Variants in PKHD1 observed in about 807,000 individuals in gnomAD.
PKHD1 encodes the protein fibrocystin.
Under a neutral mutation model 412.0 loss-of-function variants are expected in PKHD1, and 291 were observed. That is an observed-to-expected ratio of 0.71 (90% CI 0.64 to 0.78). The LOEUF is 0.78. Among genes scored for constraint, PKHD1 ranks in the 30% least tolerant of loss-of-function variants. The pLI is 0.00. For missense variants in PKHD1, 4,825 were observed against 4,950.7 expected (o/e 0.97, Z 0.76); for synonymous variants, 1,777 against 1,821.5 (o/e 0.98, Z 0.62).
chr6:51,824,258 C>CAGTT (rs1766952002), intron 52 of PKHD1, among the ~76,000 whole-genome samples: 1 of 152,004 alleles, frequency 6.6e-6, no homozygotes, highest in African/African-American at 2.4e-5. Flanking sequence ...ACTAGGTAAT[C>CAGTT]AGTTCATCAA....
intron 66 of PKHD1, chr6:51,621,760 A>G (rs1166860941): frequency 2.0e-5 from 3 of 152,214 alleles, no homozygotes; most frequent in African/African-American, 7.2e-5. Flanking sequence ...GAACTAAGTC[A>G]GCACACATTA....
intron 60 of PKHD1, chr6:51,740,134 G>A: frequency 2.2e-6 from 1 of 446,344 alleles, no homozygotes; most frequent in South Asian, 1.6e-5. Flanking sequence ...GAGCTGTCTT[G>A]CTCTCTACTG....
At chr6:52,044,904 A>T in intron 25 of PKHD1, 62 bp downstream of exon 25, 1 of 1,586,174 alleles carries the variant, frequency 6.3e-7, no homozygotes, top group South Asian at 1.1e-5. Flanking sequence ...GTTACAAATC[A>T]GTGAGGAGTG....
intron 57 of PKHD1, among the ~76,000 whole-genome samples, chr6:51,751,028 C>T (rs896416138): frequency 3.3e-5 from 5 of 152,172 alleles, no homozygotes; most frequent in Admixed American, 6.5e-5. Context: ...CTGCCCACTT[C>T]AGCCTCCCAA....
chr6:51,762,018 T>C (rs1369211924), intron 55 of PKHD1, among the ~76,000 whole-genome samples: 1 of 152,018 alleles, frequency 6.6e-6, no homozygotes, highest in Non-Finnish European at 1.5e-5. Flanking sequence ...GTCACTTCTG[T>C]CTTCAACATA....
Position 51,659,355 on chromosome 6 carries a change from C to G in PKHD1, c.10771G>C (p.Gly3591Arg). 1 of 1,613,790 alleles carries G rather than the reference C, an allele frequency of 6.2e-7. No homozygotes were observed. The highest frequency in any genetic ancestry group is 8.5e-7 in the Non-Finnish European group (1 of 1,179,870). Residue 3591 changes from glycine (G) to arginine (R), a missense_variant, in exon 61 of 67, where the codon GGC becomes CGC. Coordinates refer to ENST00000371117, the MANE Select transcript of PKHD1 (RefSeq NM_138694.4). Reference protein sequence around the residue: ...LERLTNFLQIGQNQIRFIHEM... With the variant: ...LERLTNFLQIRQNQIRFIHEM... ...TGAATAAACCTGATTTGGTTTTGGCCAATCTGTAAGAAGTTAGTTAGTCTT... is the reference window on the plus strand; with the variant it reads ...TGAATAAACCTGATTTGGTTTTGGCGAATCTGTAAGAAGTTAGTTAGTCTT...
chr6:51,960,877 G>A (rs1164496690), intron 35 of PKHD1, among the ~76,000 whole-genome samples: 1 of 152,114 alleles, frequency 6.6e-6, no homozygotes, highest in Non-Finnish European at 1.5e-5. Context: ...TTTTAAAACA[G>A]GGACATAAAA....
intron 37 of PKHD1, among the ~76,000 whole-genome samples, chr6:51,930,269 C>T (rs1481834583): frequency 6.6e-6 from 1 of 152,106 alleles, no homozygotes; most frequent in Admixed American, 6.6e-5. Context: ...CATATTAACG[C>T]ATCAAAGTGA....
At chr6:51,664,044 A>T (rs1321660698) in intron 60 of PKHD1, among the ~76,000 whole-genome samples, 1 of 152,182 alleles carries the variant, frequency 6.6e-6, no homozygotes, top group Non-Finnish European at 1.5e-5. Context: ...CCAAGGCCAA[A>T]ATAATAAAAA....
At chr6:51,671,471 A>C (rs1442763232) in intron 60 of PKHD1, among the ~76,000 whole-genome samples, 5 of 152,168 alleles carry the variant, frequency 3.3e-5, no homozygotes, top group Admixed American at 6.5e-5. Context: ...CAAAGTTTTC[A>C]ACTTCTTTGC....
chr6:51,916,026 G>C (rs1783757229), intron 37 of PKHD1, among the ~76,000 whole-genome samples: 1 of 152,050 alleles, frequency 6.6e-6, no homozygotes, highest in South Asian at 2.1e-4. Context: ...ACAATAGTCA[G>C]TCCCATGTAT....
chr6:52,054,564 C>T (rs1807409309), intron 19 of PKHD1, among the ~76,000 whole-genome samples: 1 of 152,124 alleles, frequency 6.6e-6, no homozygotes. Flanking sequence ...CTCTAACTCC[C>T]CAGCATCCTT....
At chr6:51,921,823 T>A (rs1457414078) in intron 37 of PKHD1, among the ~76,000 whole-genome samples, 1 of 152,174 alleles carries the variant, frequency 6.6e-6, no homozygotes, top group East Asian at 1.9e-4. Context: ...TAGTTAGCCA[T>A]TCATCTAATC....
intron 60 of PKHD1, among the ~76,000 whole-genome samples, chr6:51,666,145 T>C (rs1305629946): frequency 6.6e-6 from 1 of 152,166 alleles, no homozygotes; most frequent in Non-Finnish European, 1.5e-5. Flanking sequence ...CTTTAGTGCT[T>C]ATACAATGTG....
chr6:52,086,880 G>A (rs1445180854), intron 1 of PKHD1, among the ~76,000 whole-genome samples: 2 of 152,158 alleles, frequency 1.3e-5, no homozygotes, highest in African/African-American at 2.4e-5. Flanking sequence ...GTACCCAAGC[G>A]TATTTGCTGC....
Position 51,704,118 on chromosome 6 carries a change from T to C in PKHD1, c.10156+40267A>G, listed in dbSNP as rs536579811. Among the ~76,000 whole-genome samples, 26 of 152,166 alleles carry C rather than the reference T, an allele frequency of 1.7e-4. 1 individual carries two copies. The South Asian group carries it at 5.2e-3, about 30-fold the overall frequency. On this transcript the variant is annotated intron_variant, in intron 60 of 66. Transcript: ENST00000371117. ...GACAATTTTAGTCAACCAACACCTG[T>C]AGAAAGGGAGTTTACTCTGCAATCT...
chr6:51,935,959 T>C (rs1448297880), intron 36 of PKHD1, among the ~76,000 whole-genome samples: 1 of 152,184 alleles, frequency 6.6e-6, no homozygotes, highest in Non-Finnish European at 1.5e-5. Context: ...CTATATAAAA[T>C]AGCACACCCT....
At chr6:51,880,873 G>T (rs1381469914) in intron 46 of PKHD1, among the ~76,000 whole-genome samples, 3 of 147,582 alleles carry the variant, frequency 2.0e-5, no homozygotes, top group Admixed American at 2.0e-4. Flanking sequence ...GGCTGAGGCA[G>T]GAGAATGGCG....
intron 34 of PKHD1, among the ~76,000 whole-genome samples, chr6:52,014,076 C>G (rs938111907): frequency 6.6e-6 from 1 of 152,174 alleles, no homozygotes; most frequent in East Asian, 1.9e-4. Flanking sequence ...GAAGAGAATC[C>G]AAACTCTTTA....
Sources: allele counts gnomAD v4.1 joint callset (sites outside exome capture counted in the v4.1 genomes callset), GRCh38; gene constraint gnomAD v4.1.1; transcripts MANE v1.5; gene names NCBI Gene and HGNC (gene_info 2026-07-23, HGNC 2026-07-21).